The following LRRC4C variants were observed in gnomAD, a reference collection of about 807,000 sequenced individuals.
LRRC4C encodes the protein leucine rich repeat containing 4C, also known as leucine-rich repeat-containing protein 4C.
A neutral mutation model predicts 33.6 loss-of-function variants in LRRC4C; 5 were observed. That is an observed-to-expected ratio of 0.15 (90% CI 0.08 to 0.31). The LOEUF (loss-of-function observed/expected upper bound fraction) is 0.31. Ranked by LOEUF, LRRC4C falls within the 10% of genes least tolerant of loss-of-function variation. The pLI is 1.00. For synonymous variants in LRRC4C, 329 were observed against 302.0 expected, an observed-to-expected ratio of 1.09 and a Z score of -0.93; for missense variants, 560 against 796.7, an observed-to-expected ratio of 0.70 and a Z score of 3.58.
intron 5 of LRRC4C, among the ~76,000 whole-genome samples, chr11:40,150,731 C>T (rs561241491): frequency 1.4e-4 from 21 of 152,156 alleles, no homozygotes; most frequent in Non-Finnish European, 2.5e-4. Flanking sequence ...CATGAGCCAC[C>T]GTGCCCAGCC....
At chr11:41,147,829 TC>T (rs1414549443) in intron 1 of LRRC4C, among the ~76,000 whole-genome samples, 3 of 152,048 alleles carry the variant, frequency 2.0e-5, no homozygotes, top group Non-Finnish European at 4.4e-5. Context: ...TCGGCTCGTG[TC>T]TGTAATCCCA....
At chr11:40,744,888 A>G (rs963555428) in intron 2 of LRRC4C, among the ~76,000 whole-genome samples, 1 of 152,200 alleles carries the variant, frequency 6.6e-6, no homozygotes, top group Non-Finnish European at 1.5e-5. Context: ...ATGACTTAGA[A>G]TAGGTAGATG....
intron 4 of LRRC4C, among the ~76,000 whole-genome samples, chr11:40,271,737 G>A (rs1051045129): frequency 7.2e-5 from 11 of 152,128 alleles, no homozygotes; most frequent in South Asian, 2.1e-4. Flanking sequence ...GTGGGTGAAG[G>A]CACATGAATG....
intron 1 of LRRC4C, among the ~76,000 whole-genome samples, chr11:41,182,289 A>G (rs569668444): frequency 3.9e-5 from 6 of 152,210 alleles, no homozygotes; most frequent in African/African-American, 1.2e-4. Flanking sequence ...GTGATTGTAC[A>G]TTCCAGTGAA....
At chr11:40,222,394 C>T (rs957207594) in intron 5 of LRRC4C, among the ~76,000 whole-genome samples, 1 of 152,160 alleles carries the variant, frequency 6.6e-6, no homozygotes, top group African/African-American at 2.4e-5. Context: ...GCTACTATTA[C>T]TATGCTATTA....
intron 1 of LRRC4C, among the ~76,000 whole-genome samples, chr11:41,082,425 C>G (rs979851154): frequency 7.6e-6 from 1 of 130,946 alleles, no homozygotes; most frequent in South Asian, 2.7e-4. Flanking sequence ...TCAAATCTCA[C>G]GCTTTTTTTT....
intron 2 of LRRC4C, among the ~76,000 whole-genome samples, chr11:40,852,000 T>A (rs11036098): frequency 0.049 from 7,452 of 152,128 alleles, 458 homozygotes; most frequent in African/African-American, 0.14. Context: ...TTTAAAAAAA[T>A]TTTTTAATAG....
At chr11:40,498,431 A>C (rs1419570209) in intron 3 of LRRC4C, among the ~76,000 whole-genome samples, 1 of 152,244 alleles carries the variant, frequency 6.6e-6, no homozygotes, top group Non-Finnish European at 1.5e-5. Flanking sequence ...AATATTCTGC[A>C]TTATATAGGT....
chr11:41,363,069 G>A (rs1304065941), intron 1 of LRRC4C, among the ~76,000 whole-genome samples: 1 of 152,148 alleles, frequency 6.6e-6, no homozygotes, highest in Non-Finnish European at 1.5e-5. Flanking sequence ...ACATATCTCT[G>A]AGTCCTGTCC....
At chr11:41,136,261 C>A (rs916956567) in intron 1 of LRRC4C, among the ~76,000 whole-genome samples, 1 of 152,060 alleles carries the variant, frequency 6.6e-6, no homozygotes, top group African/African-American at 2.4e-5. Context: ...AAATCTTACG[C>A]GTGTAGGGGG....
intron 3 of LRRC4C, among the ~76,000 whole-genome samples, chr11:40,521,731 TTGTGG>T (rs1489080636): frequency 6.6e-6 from 1 of 152,032 alleles, no homozygotes; most frequent in Non-Finnish European, 1.5e-5. Context: ...TAGCTGGGCA[TTGTGG>T]TGTGCGCCTG....
intron 3 of LRRC4C, among the ~76,000 whole-genome samples, chr11:40,358,009 C>A (rs1947752790): frequency 6.6e-6 from 1 of 151,938 alleles, no homozygotes; most frequent in Non-Finnish European, 1.5e-5. Context: ...ATGGTGAAAC[C>A]AGGTCTCTAT....
chr11:40,133,653 A>ATGGTTATG (rs1243931260), intron 6 of LRRC4C, among the ~76,000 whole-genome samples: 3 of 152,178 alleles, frequency 2.0e-5, no homozygotes, highest in African/African-American at 7.2e-5. Context: ...GCCCAGTATA[A>ATGGTTATG]ACAATAGTCA....
chr11:40,517,921 C>A (rs957951744), intron 3 of LRRC4C, among the ~76,000 whole-genome samples: 7 of 151,932 alleles, frequency 4.6e-5, no homozygotes, highest in Admixed American at 6.6e-5. Context: ...ATATATAGAC[C>A]AATAGAACAG....
intron 1 of LRRC4C, among the ~76,000 whole-genome samples, chr11:41,215,760 G>A (rs570032883): frequency 1.2e-4 from 19 of 152,048 alleles, no homozygotes; most frequent in East Asian, 7.7e-4. Flanking sequence ...TTCATCTCTC[G>A]ATAGAAATTT....
At position 41,217,420 on chromosome 11, in the gene LRRC4C, T is replaced by A. The variant is rs577461400; in HGVS notation, c.-496+242011A>T. Among the ~76,000 whole-genome samples, 5 of 152,308 alleles carry A rather than the reference T, an allele frequency of 3.3e-5. No individual in the cohort carries two copies. The South Asian group carries it at 8.3e-4, about 25-fold the overall frequency. On this transcript the variant is annotated intron_variant, in intron 1 of 6. Transcript: ENST00000528697. ...CCAAGAGGAATACCCCTTAAGCAAC[T>A]TGCCCAAGGTCAAACAAGAAAATAA... is the stretch of plus-strand genomic sequence containing the variant.
intron 3 of LRRC4C, among the ~76,000 whole-genome samples, chr11:40,440,997 A>G (rs1951369711): frequency 6.6e-6 from 1 of 152,190 alleles, no homozygotes; most frequent in South Asian, 2.1e-4. Context: ...TTATTGGAAT[A>G]AACTATGCAT....
chr11:41,189,571 G>A (rs557276916), intron 1 of LRRC4C, among the ~76,000 whole-genome samples: 1 of 152,104 alleles, frequency 6.6e-6, no homozygotes, highest in African/African-American at 2.4e-5. Flanking sequence ...TGAAGACTTG[G>A]CATTAAGAAT....
chr11:40,734,272 T>C (rs748597380), intron 2 of LRRC4C, among the ~76,000 whole-genome samples: 6 of 152,186 alleles, frequency 3.9e-5, no homozygotes, highest in Non-Finnish European at 7.3e-5. Context: ...AAAAACAATG[T>C]ATGGAATTTG....
Sources: gnomAD v4.1 joint callset for allele counts (sites outside exome capture counted in the v4.1 genomes callset) on GRCh38, gnomAD v4.1.1 for gene constraint, MANE v1.5 for transcripts, NCBI Gene and HGNC (gene_info 2026-07-23, HGNC 2026-07-21) for gene names.